Variants in JPT2 observed in about 807,000 individuals in gnomAD.
The protein encoded by JPT2 is Jupiter microtubule associated homolog 2.
A neutral mutation model predicts 15.9 loss-of-function variants in JPT2; 9 were observed. The ratio of observed to expected loss-of-function variants is 0.57; its 90% CI spans 0.34 to 0.99. JPT2 has a LOEUF of 0.99. Ranked by LOEUF, JPT2 falls within the 50% of genes least tolerant of loss-of-function variation. JPT2 has a pLI of 0.02. For missense variants in JPT2, 267 were observed against 252.1 expected (o/e 1.06, Z -0.40); for synonymous variants, 95 against 91.7 (o/e 1.04, Z -0.21).
At chr16:1,702,306 A>G (rs762387989), downstream of JPT2, 2 of 392,494 alleles carry the variant, frequency 5.1e-6, no homozygotes, top group Admixed American at 2.9e-5. Flanking sequence ...TTGTTCATCC[A>G]CAGGGTATAG....
chr16:1,697,778 G>GT, intron 3 of JPT2, 34 bp from the exon 4 acceptor site: 1 of 1,607,854 alleles, frequency 6.2e-7, no homozygotes, highest in Non-Finnish European at 8.5e-7. Flanking sequence ...AATTTTCTGA[G>GT]TGAGTCCTGA....
At position 1,700,082 on chromosome 16, in the gene JPT2, C is replaced by G; in HGVS notation, c.*1084C>G. On this transcript the variant is annotated 3_prime_UTR_variant, in exon 5 of 5. Transcript: ENST00000248098. ...TTCTGACACCTTTCCAGAAAAAAGTCAATTGTTCAGGTACACCAAAGAGGA... is the reference window on the plus strand; with the variant it reads ...TTCTGACACCTTTCCAGAAAAAAGTGAATTGTTCAGGTACACCAAAGAGGA... 1 of 445,092 alleles carries G rather than the reference C, an allele frequency of 2.2e-6. No homozygotes were observed. The highest frequency in any genetic ancestry group is 4.6e-6 in the Non-Finnish European group (1 of 218,582). The allele number at this position is 445,092 out of a possible 1,614,324, so 27.6% of individuals were successfully genotyped here.
rs545646131 is a variant in JPT2 at position 1,684,540 on chromosome 16, AGACCAACCT to A, written c.45-891_45-883del. On this transcript the variant is annotated intron_variant, in intron 1 of 4. Coordinates refer to ENST00000248098, the MANE Select transcript of JPT2 (RefSeq NM_144570.3). ...TGGATCACCCCAGGTCAGGAGTTCGAGACCAACCTGACCAACATGGCGAAACCCCGTCTC... is the reference window on the plus strand; with the variant it reads ...TGGATCACCCCAGGTCAGGAGTTCGAGACCAACATGGCGAAACCCCGTCTC... Among the ~76,000 whole-genome samples, 369 of 152,290 alleles carry A rather than the reference AGACCAACCT, an allele frequency of 2.4e-3. 2 individuals are homozygous for A. The highest frequency in any genetic ancestry group is 0.014 in the Middle Eastern group (4 of 294).
intron 2 of JPT2, chr16:1,689,322 C>T (rs1376736652): frequency 6.6e-6 from 1 of 152,106 alleles, no homozygotes; most frequent in East Asian, 1.9e-4. Context: ...GCCCCGTGGT[C>T]CTGACGTGCT....
chr16:1,687,874 A>C (rs2037078895), intron 2 of JPT2, among the ~76,000 whole-genome samples: 1 of 152,188 alleles, frequency 6.6e-6, no homozygotes, highest in Non-Finnish European at 1.5e-5. Flanking sequence ...ACTTAGTCAC[A>C]CAGACCTAGC....
chr16:1,694,937 A>G (rs2037130499), intron 3 of JPT2, among the ~76,000 whole-genome samples: 1 of 152,230 alleles, frequency 6.6e-6, no homozygotes, highest in Admixed American at 6.5e-5. Context: ...GGAGGTTTAG[A>G]TATGACACCA....
Position 1,684,917 on chromosome 16 carries a change from A to T in JPT2, c.45-522A>T, listed in dbSNP as rs532732504. ...CAGAGCGAGACTCCATCTCAAAAAAAAAAAAAAAAGAATACTTTTAAGGGA... is the reference window on the plus strand; with the variant it reads ...CAGAGCGAGACTCCATCTCAAAAAATAAAAAAAAAGAATACTTTTAAGGGA... On this transcript the variant is annotated intron_variant, in intron 1 of 4. Transcript: ENST00000248098. Among the ~76,000 whole-genome samples, 25 of 151,910 alleles carry T rather than the reference A, an allele frequency of 1.6e-4. No individual in the cohort carries two copies. In the East Asian group the frequency reaches 4.1e-3, roughly 25 times the overall value.
intron 1 of JPT2, among the ~76,000 whole-genome samples, chr16:1,680,121 A>G (rs2037010494): frequency 6.6e-6 from 1 of 152,210 alleles, no homozygotes; most frequent in South Asian, 2.1e-4. Flanking sequence ...CCGATGTGGG[A>G]CCAGGAGTTT....
chr16:1,689,480 T>C (rs1483046210), intron 2 of JPT2: 1 of 152,208 alleles, frequency 6.6e-6, no homozygotes, highest in African/African-American at 2.4e-5. Context: ...TTGTTGGTTT[T>C]TTGAGACAGG....
In JPT2 at chr16:1,701,022, C is replaced by T. The variant is rs1224719282; in HGVS notation, c.*2024C>T. 6.6e-6 allele frequency: 1 copy of T among 152,236 alleles called. No homozygotes were observed. The highest frequency in any genetic ancestry group is 1.5e-5 in the Non-Finnish European group (1 of 68,062). 9.4% of individuals were successfully genotyped at this position (152,236 alleles called of 1,614,324 possible). A position where few individuals can be genotyped will look rare whatever the true frequency, so the allele number is the denominator to read the frequency against. ...ATTACTCTTCTTGCATCTGTCCTGC[C>T]TTCTTTCCCTCTGCGAGGCAGTGGG... On this transcript the variant is annotated 3_prime_UTR_variant, in exon 5 of 5. Coordinates refer to ENST00000248098, the MANE Select transcript of JPT2 (RefSeq NM_144570.3).
chr16:1,678,686 G>A (rs1353060925), intron 1 of JPT2, among the ~76,000 whole-genome samples: 2 of 152,160 alleles, frequency 1.3e-5, no homozygotes, highest in African/African-American at 4.8e-5. Flanking sequence ...TCCGTGTGGT[G>A]CGTTCCGTGG....
intron 3 of JPT2, among the ~76,000 whole-genome samples, chr16:1,695,815 G>A (rs921630144): frequency 1.3e-5 from 2 of 152,074 alleles, no homozygotes; most frequent in African/African-American, 2.4e-5. Context: ...AGGTTGCAGT[G>A]AGCTAAGATC....
chr16:1,698,588 G>T lies in JPT2; in HGVS notation c.386-223G>T, dbSNP rs758591714. Among the ~76,000 whole-genome samples, 1 of 152,230 alleles carries T rather than the reference G, an allele frequency of 6.6e-6. No homozygotes were observed. The highest frequency in any genetic ancestry group is 1.5e-5 in the Non-Finnish European group (1 of 68,042). On this transcript the variant is annotated intron_variant, in intron 4 of 4. Transcript: ENST00000248098. This position sits in a 1 kb window ranked among gnomAD's most constrained non-coding sequence, Gnocchi z 4.9. ...AGGAAGAAATCAAGGAGTATTTACAGTAGCAAGCCCCAACTTTATGCCCAT... is the reference window on the plus strand; with the variant it reads ...AGGAAGAAATCAAGGAGTATTTACATTAGCAAGCCCCAACTTTATGCCCAT...
At chr16:1,679,089 T>C (rs1035194888) in intron 1 of JPT2, among the ~76,000 whole-genome samples, 2 of 152,248 alleles carry the variant, frequency 1.3e-5, no homozygotes, top group African/African-American at 2.4e-5. Flanking sequence ...CTTATGTTTT[T>C]GAACTTTTAA....
At chr16:1,690,453 A>G (rs2037096813) in intron 2 of JPT2, 1 of 152,184 alleles carries the variant, frequency 6.6e-6, no homozygotes, top group Non-Finnish European at 1.5e-5. Flanking sequence ...ACTTCAGAAC[A>G]CTGACTCCAT....
At chr16:1,697,706 C>A in intron 3 of JPT2, 106 bp from the exon 4 acceptor site, 1 of 1,027,924 alleles carries the variant, frequency 9.7e-7, no homozygotes, top group Non-Finnish European at 1.5e-6. Context: ...GATATACAAG[C>A]ATTTTTGTAA....
chr16:1,684,775 G>C (rs530011973), intron 1 of JPT2, among the ~76,000 whole-genome samples: 1 of 152,162 alleles, frequency 6.6e-6, no homozygotes, highest in South Asian at 2.1e-4. Context: ...GCCAGGTGTT[G>C]TGGCAGGCAC....
intron 3 of JPT2, among the ~76,000 whole-genome samples, chr16:1,693,053 T>C (rs188127559): frequency 6.6e-6 from 1 of 152,314 alleles, no homozygotes; most frequent in Admixed American, 6.5e-5. Flanking sequence ...TAGAGTCTTA[T>C]ATAGGACCTG....
chr16:1,681,136 A>C (rs748974653), intron 1 of JPT2, among the ~76,000 whole-genome samples: 5 of 151,922 alleles, frequency 3.3e-5, no homozygotes, highest in African/African-American at 7.3e-5. Context: ...CCCTCCCCCT[A>C]TTAGTGTCAT....
Sources: gnomAD v4.1 joint callset for allele counts (sites outside exome capture counted in the v4.1 genomes callset) on GRCh38, gnomAD v4.1.1 for gene constraint, Gnocchi (gnomAD v3.1) non-coding constraint, MANE v1.5 for transcripts, NCBI Gene and HGNC (gene_info 2026-07-23, HGNC 2026-07-21) for gene names.